Variants in SLC38A6 observed in about 807,000 individuals in gnomAD.
The protein encoded by SLC38A6 is N system amino acid transporter NAT-1.
Under a neutral mutation model 65.0 loss-of-function variants are expected in SLC38A6, and 73 were observed. That is an observed-to-expected ratio of 1.12 (90% CI 0.93 to 1.37). The LOEUF is 1.37. Ranked by LOEUF, SLC38A6 falls within the 40% of genes most tolerant of loss-of-function variation. The pLI is 0.00. For synonymous variants in SLC38A6, 183 were observed against 178.8 expected (o/e 1.02, Z -0.19); for missense variants, 561 against 531.1 (o/e 1.06, Z -0.55).
At chr14:61,026,182 C>T (rs1274744836) in intron 5 of SLC38A6, among the ~76,000 whole-genome samples, 4 of 152,064 alleles carry the variant, frequency 2.6e-5, no homozygotes, top group Admixed American at 2.6e-4. Context: ...ATAACGACAA[C>T]TTGGGAAGCA....
intron 3 of SLC38A6, among the ~76,000 whole-genome samples, chr14:60,989,421 T>A (rs4902022): frequency 0.68 from 103,188 of 152,058 alleles, 35,153 homozygotes; most frequent in Non-Finnish European, 0.69. Context: ...ACAGCACTCC[T>A]TAAAATAATT....
chr14:60,995,021 A>G (rs938540762), intron 3 of SLC38A6, among the ~76,000 whole-genome samples: 1 of 151,636 alleles, frequency 6.6e-6, no homozygotes, highest in Admixed American at 6.6e-5. Context: ...AAAAAAAAAA[A>G]AAAAGAAGAA....
At chr14:61,047,205 AC>A (rs1365846889) in intron 12 of SLC38A6, among the ~76,000 whole-genome samples, 1 of 152,140 alleles carries the variant, frequency 6.6e-6, no homozygotes, top group Admixed American at 6.5e-5. Context: ...GATAAATAGA[AC>A]TATCTGGAAG....
chr14:61,070,349 C>T (rs2043189783), intron 15 of SLC38A6, among the ~76,000 whole-genome samples: 1 of 152,174 alleles, frequency 6.6e-6, no homozygotes, highest in African/African-American at 2.4e-5. Context: ...AGCATATTGT[C>T]CTCAAGTATT....
chr14:61,033,798 TTTA>T (rs2041163005), intron 6 of SLC38A6, among the ~76,000 whole-genome samples: 1 of 152,156 alleles, frequency 6.6e-6, no homozygotes, highest in Admixed American at 6.5e-5. Flanking sequence ...TAAAATTGGC[TTTA>T]TTAAGATGAA....
chr14:61,037,827 A>G, intron 8 of SLC38A6, 144 bp downstream of exon 8: 1 of 547,196 alleles, frequency 1.8e-6, no homozygotes. Flanking sequence ...TTGTTCCATT[A>G]AATTATTTCC....
At chr14:61,054,637 T>C (rs1039195914), downstream of SLC38A6, among the ~76,000 whole-genome samples, 1 of 152,182 alleles carries the variant, frequency 6.6e-6, no homozygotes, top group Non-Finnish European at 1.5e-5. Context: ...TTTGTGGCAA[T>C]TGTGAATGGG....
At chr14:60,997,043 A>C (rs992221758) in intron 3 of SLC38A6, among the ~76,000 whole-genome samples, 1 of 152,214 alleles carries the variant, frequency 6.6e-6, no homozygotes, top group African/African-American at 2.4e-5. Flanking sequence ...CAGGCACAGG[A>C]AAGAAGTGGA....
intron 4 of SLC38A6, 36 bp downstream of exon 4, chr14:61,015,992 A>T (rs200444166): frequency 6.5e-7 from 1 of 1,536,822 alleles, no homozygotes; most frequent in Admixed American, 1.9e-5. Flanking sequence ...TCCAAAACCC[A>T]AAGTGGCATT....
At chr14:60,992,921 G>A (rs544584006) in intron 3 of SLC38A6, among the ~76,000 whole-genome samples, 3 of 150,516 alleles carry the variant, frequency 2.0e-5, no homozygotes, top group African/African-American at 7.3e-5. Flanking sequence ...ATCTTTGCTC[G>A]CTGCAACCTC....
rs112709831 is a variant in SLC38A6, at chr14:61,043,962, G to A, written c.744+459G>A. On this transcript the variant is annotated intron_variant, in intron 10 of 15. Coordinates refer to ENST00000267488, the MANE Select transcript of SLC38A6 (RefSeq NM_153811.3). The stretch of plus-strand genomic sequence containing the variant: ...AGCACTGCCAATATATCTTCTGGCC[G>A]ACATTCCAAAGTTGAAATTCATGAT... Among the ~76,000 whole-genome samples the A allele has an allele frequency of 8.5e-3, 1,293 of 152,134 alleles. 22 individuals carry two copies. The highest frequency in any genetic ancestry group is 0.029 in the African/African-American group (1,220 of 41,518).
intron 13 of SLC38A6, among the ~76,000 whole-genome samples, chr14:61,051,336 G>A (rs1450067325): frequency 1.3e-5 from 2 of 152,124 alleles, no homozygotes; most frequent in South Asian, 2.1e-4. Context: ...CTTAGCAATG[G>A]GAAGTGTAGT....
intron 1 of SLC38A6, chr14:60,982,050 G>A: frequency 4.8e-6 from 2 of 417,122 alleles, no homozygotes; most frequent in Non-Finnish European, 9.6e-6. Flanking sequence ...CATCCTTCCA[G>A]TTTGGTAGAA....
intron 3 of SLC38A6, among the ~76,000 whole-genome samples, chr14:61,010,085 G>A (rs1193598788): frequency 6.6e-6 from 1 of 152,208 alleles, no homozygotes; most frequent in Non-Finnish European, 1.5e-5. Context: ...TAACTGGTGT[G>A]AGATGGTATC....
intron 6 of SLC38A6, among the ~76,000 whole-genome samples, chr14:61,031,263 T>C (rs1437108466): frequency 6.6e-6 from 1 of 152,184 alleles, no homozygotes; most frequent in Non-Finnish European, 1.5e-5. Context: ...TCAAGTTATT[T>C]CACATAGTTA....
intron 15 of SLC38A6, among the ~76,000 whole-genome samples, chr14:61,062,999 G>A (rs2042905064): frequency 6.6e-6 from 1 of 151,948 alleles, no homozygotes; most frequent in Non-Finnish European, 1.5e-5. Context: ...CTTTATATGT[G>A]TTTTGCAAAG....
At chr14:61,046,296 T>C in intron 12 of SLC38A6, 129 bp downstream of exon 12, 1 of 540,750 alleles carries the variant, frequency 1.8e-6, no homozygotes, top group Non-Finnish European at 3.3e-6. Flanking sequence ...TACAATGCAG[T>C]ACTGTGGTGG....
At chr14:61,080,475 C>T (rs895198101) in intron 16 of SLC38A6, among the ~76,000 whole-genome samples, 1 of 152,202 alleles carries the variant, frequency 6.6e-6, no homozygotes, top group Non-Finnish European at 1.5e-5. Context: ...TCTTACACTG[C>T]CTGTACCTGC....
At chr14:60,996,561 A>G (rs1401680859) in intron 3 of SLC38A6, among the ~76,000 whole-genome samples, 2 of 152,258 alleles carry the variant, frequency 1.3e-5, no homozygotes, top group East Asian at 3.9e-4. Context: ...GGGATGGTAG[A>G]AAATTATTAA....
Sources: allele counts gnomAD v4.1 joint callset (sites outside exome capture counted in the v4.1 genomes callset), GRCh38; gene constraint gnomAD v4.1.1; transcripts MANE v1.5; gene names NCBI Gene and HGNC (gene_info 2026-07-23, HGNC 2026-07-21).